The following NKAIN2 variants were observed in gnomAD, a reference collection of about 807,000 sequenced individuals.
NKAIN2 encodes sodium/potassium transporting ATPase interacting 2, also known as sodium/potassium-transporting ATPase subunit beta-1-interacting protein 2.
A neutral mutation model predicts 32.6 loss-of-function variants in NKAIN2; 14 were observed. That is an observed-to-expected ratio of 0.43 (90% CI 0.28 to 0.67). The LOEUF (loss-of-function observed/expected upper bound fraction) is 0.67, where lower values mean the gene tolerates loss of function less well. NKAIN2 is among the 30% of genes least tolerant of loss of function. NKAIN2 has a pLI of 0.17. For missense variants in NKAIN2, 198 were observed against 258.3 expected (o/e 0.77, Z 1.60); for synonymous variants, 80 against 87.2 (o/e 0.92, Z 0.46).
chr6:124,274,005 T>C (rs1794916866), intron 1 of NKAIN2, among the ~76,000 whole-genome samples: 1 of 152,182 alleles, frequency 6.6e-6, no homozygotes, highest in South Asian at 2.1e-4. Flanking sequence ...AAAACAGTGC[T>C]CCATCTACCA....
intron 1 of NKAIN2, among the ~76,000 whole-genome samples, chr6:123,915,477 G>A (rs954160588): frequency 1.3e-5 from 2 of 152,078 alleles, no homozygotes; most frequent in Admixed American, 1.3e-4. Flanking sequence ...CTTTGATATT[G>A]CCTATGACCT....
At chr6:124,005,238 A>G (rs1485722153) in intron 1 of NKAIN2, among the ~76,000 whole-genome samples, 1 of 152,050 alleles carries the variant, frequency 6.6e-6, no homozygotes, top group Admixed American at 6.6e-5. Context: ...AAACAAAACA[A>G]AACGAAACAA....
At chr6:123,970,272 CAAA>C (rs1778279921) in intron 1 of NKAIN2, among the ~76,000 whole-genome samples, 1 of 152,066 alleles carries the variant, frequency 6.6e-6, no homozygotes, top group African/African-American at 2.4e-5. Context: ...GTCACAAAAT[CAAA>C]TGGTAAGGCT....
chr6:124,355,028 C>T (rs560492966), intron 2 of NKAIN2, among the ~76,000 whole-genome samples: 39 of 150,000 alleles, frequency 2.6e-4, no homozygotes, highest in Non-Finnish European at 4.9e-4. Context: ...CGAGATCATG[C>T]CACTGCACTC....
intron 1 of NKAIN2, among the ~76,000 whole-genome samples, chr6:123,930,982 C>T (rs994498080): frequency 9.2e-5 from 14 of 152,162 alleles, no homozygotes; most frequent in African/African-American, 3.4e-4. Flanking sequence ...AAAATGAGCT[C>T]TTAAAAATAA....
intron 2 of NKAIN2, among the ~76,000 whole-genome samples, chr6:124,293,055 T>C (rs899857774): frequency 6.6e-6 from 1 of 152,110 alleles, no homozygotes; most frequent in African/African-American, 2.4e-5. Context: ...TCAGTCAACT[T>C]CCTGAATTTA....
chr6:124,627,465 T>G (rs1344623509), intron 3 of NKAIN2, among the ~76,000 whole-genome samples: 1 of 152,180 alleles, frequency 6.6e-6, no homozygotes, highest in Non-Finnish European at 1.5e-5. Context: ...TGTTCAAGCC[T>G]GCTCCTGTTG....
At chr6:124,644,504 A>C (rs960197360) in intron 3 of NKAIN2, among the ~76,000 whole-genome samples, 1 of 151,722 alleles carries the variant, frequency 6.6e-6, no homozygotes, top group Non-Finnish European at 1.5e-5. Context: ...TCCCGGGTTC[A>C]AGCGATTCTC....
intron 1 of NKAIN2, among the ~76,000 whole-genome samples, chr6:123,841,564 CCAT>C (rs1774870458): frequency 6.6e-6 from 1 of 152,124 alleles, no homozygotes; most frequent in African/African-American, 2.4e-5. Context: ...TGACATCCAT[CCAT>C]CATCAACAGG....
intron 1 of NKAIN2, among the ~76,000 whole-genome samples, chr6:123,911,809 A>ATATATGTGTATATATATATATATATGTG (rs1554222371): frequency 9.8e-5 from 10 of 102,014 alleles, no homozygotes; most frequent in Admixed American, 5.6e-4. Flanking sequence ...ATGTATATAT[A>ATATATGTGTATATATATATATATATGTG]TATACACACA....
chr6:124,374,217 C>T (rs899991384), intron 3 of NKAIN2, among the ~76,000 whole-genome samples: 2 of 151,472 alleles, frequency 1.3e-5, no homozygotes. Context: ...GGTGGTAAGG[C>T]AGTTAGGAAA....
At chr6:123,877,662 C>T (rs1314374713) in intron 1 of NKAIN2, among the ~76,000 whole-genome samples, 1 of 152,148 alleles carries the variant, frequency 6.6e-6, no homozygotes, top group African/African-American at 2.4e-5. Flanking sequence ...TCAAGTCTGC[C>T]TCCTCCTGTT....
intron 3 of NKAIN2, among the ~76,000 whole-genome samples, chr6:124,373,396 G>C (rs536117574): frequency 6.6e-6 from 1 of 152,036 alleles, no homozygotes; most frequent in African/African-American, 2.4e-5. Context: ...ATCAAGTCTT[G>C]GTTGCCCATT....
chr6:124,195,136 A>T (rs2114604312), intron 1 of NKAIN2, among the ~76,000 whole-genome samples: 1 of 151,840 alleles, frequency 6.6e-6, no homozygotes, highest in South Asian at 2.1e-4. Flanking sequence ...TATACTTATT[A>T]TATTCCTTTG....
At chr6:123,845,965 A>G (rs1203258404) in intron 1 of NKAIN2, among the ~76,000 whole-genome samples, 1 of 152,128 alleles carries the variant, frequency 6.6e-6, no homozygotes, top group South Asian at 2.1e-4. Flanking sequence ...TTATTACATG[A>G]ACACTTTACC....
At chr6:124,382,301 T>G (rs935531934) in intron 3 of NKAIN2, among the ~76,000 whole-genome samples, 1 of 152,152 alleles carries the variant, frequency 6.6e-6, no homozygotes, top group African/African-American at 2.4e-5. Flanking sequence ...AATTGATTTA[T>G]GAACAATCTA....
chr6:123,870,922 T>A (rs1772837253), intron 1 of NKAIN2, among the ~76,000 whole-genome samples: 1 of 152,100 alleles, frequency 6.6e-6, no homozygotes. Context: ...TAATATAATC[T>A]CCTCTCTACT....
chr6:124,365,771 A>G (rs1421735801), intron 3 of NKAIN2, among the ~76,000 whole-genome samples: 1 of 152,102 alleles, frequency 6.6e-6, no homozygotes, highest in African/African-American at 2.4e-5. Context: ...CAAAATGTAG[A>G]AAGTCAAATT....
chr6:124,003,147 A>T (rs1779943997), intron 1 of NKAIN2, among the ~76,000 whole-genome samples: 1 of 152,226 alleles, frequency 6.6e-6, no homozygotes, highest in Non-Finnish European at 1.5e-5. Flanking sequence ...AAATGAACAA[A>T]AAGAACACAA....
Sources: gnomAD v4.1 joint callset for allele counts (sites outside exome capture counted in the v4.1 genomes callset) on GRCh38, gnomAD v4.1.1 for gene constraint, MANE v1.5 for transcripts, NCBI Gene and HGNC (gene_info 2026-07-23, HGNC 2026-07-21) for gene names.